Variants in CROCC2 observed in about 807,000 individuals in gnomAD.
The protein encoded by CROCC2 is ciliary rootlet coiled-coil protein 2.
In CROCC2, 163 loss-of-function variants were observed where a neutral mutation model predicts 177.6. That is an observed-to-expected ratio of 0.92 (90% CI 0.81 to 1.05). The LOEUF (loss-of-function observed/expected upper bound fraction) is 1.05. Among genes scored for constraint, CROCC2 ranks in the 50% least tolerant of loss-of-function variants. CROCC2 has a pLI of 0.00. For synonymous variants in CROCC2, 904 were observed against 787.3 expected (o/e 1.15, Z -2.48); for missense variants, 1,929 against 1,797.8 (o/e 1.07, Z -1.32).
At position 240,958,502 on chromosome 2, in the gene CROCC2, C is replaced by T. The variant is rs2106474962; in HGVS notation, c.2944-799C>T. Reference sequence around the variant, plus strand: ...CAGGAGGGGCTCCAGAGATCTGGCACAGGGGCAGCCATGTGGGCACCTGTG... The same window carrying T: ...CAGGAGGGGCTCCAGAGATCTGGCATAGGGGCAGCCATGTGGGCACCTGTG... On this transcript the variant is annotated intron_variant, in intron 19 of 31. Transcript: ENST00000690015. The surrounding 1 kb of genome is among the most constrained non-coding windows in gnomAD (Gnocchi z 6.7). 1 of 936,908 alleles carries T rather than the reference C, an allele frequency of 1.1e-6. No individual in the cohort carries two copies. The highest frequency in any genetic ancestry group is 1.2e-4 in the East Asian group (1 of 8,586). The allele number at this position is 936,908 out of a possible 1,614,324, so 58.0% of individuals were successfully genotyped here.
intron 14 of CROCC2, among the ~76,000 whole-genome samples, chr2:240,936,934 G>A (rs1305441267): frequency 6.6e-6 from 1 of 152,196 alleles, no homozygotes; most frequent in African/African-American, 2.4e-5. Context: ...GGACTGTGAT[G>A]CACAAGGCTG....
At chr2:240,959,045 G>T in intron 19 of CROCC2, 2 of 440,900 alleles carry the variant, frequency 4.5e-6, no homozygotes, top group East Asian at 4.1e-5. Flanking sequence ...TGAGCTGAGG[G>T]GCTGCCTCCT....
At chr2:240,943,369 G>A (rs1445760640) in intron 14 of CROCC2, among the ~76,000 whole-genome samples, 1 of 151,678 alleles carries the variant, frequency 6.6e-6, no homozygotes, top group Non-Finnish European at 1.5e-5. Context: ...TCTGATATCC[G>A]CTCTTCTTTT....
intron 21 of CROCC2, chr2:240,964,155 G>A: frequency 1.9e-6 from 1 of 540,160 alleles, no homozygotes; most frequent in Non-Finnish European, 3.3e-6. Context: ...CTCACAGCAG[G>A]TGGCAGAGGT....
chr2:240,913,885 A>G (rs2059302434), intron 1 of CROCC2, among the ~76,000 whole-genome samples: 1 of 152,250 alleles, frequency 6.6e-6, no homozygotes. Flanking sequence ...GAAGGACGGC[A>G]AGCAGACGTC....
Position 240,933,890 on chromosome 2 carries a change from C to G in CROCC2, c.1646+38C>G, listed in dbSNP as rs536325338. 5.9e-6 allele frequency: 9 copies of G among 1,522,430 alleles called. No homozygotes were observed. In the African/African-American group the frequency reaches 1.2e-4, roughly 21 times the overall value. The allele number at this position is 1,522,430 out of a possible 1,614,324, so 94.3% of individuals were successfully genotyped here. ...GGCTGGGTGGGCAGGGCCCCTCCCA[C>G]AGAAGAGACCCCACTCTGCCACCAT... is the stretch of plus-strand genomic sequence containing the variant. On this transcript the variant is annotated intron_variant, in intron 11 of 31. Coordinates refer to ENST00000690015, the MANE Select transcript of CROCC2 (RefSeq NM_001351305.2).
In CROCC2 at chr2:240,935,551, G is replaced by A. The variant is rs187987650; in HGVS notation, c.2132G>A (p.Gly711Glu). The change falls in exon 14 of 32, where the codon GGG (glycine) becomes GAG (glutamate). Residue 711 changes from glycine (G) to glutamate (E), a missense_variant. By Grantham distance (98) the Gly-to-Glu change is moderately conservative (BLOSUM62 -2). This residue lies in a region of CROCC2 where 1,397 missense variants were observed against 1,239.9 expected (regional missense o/e 1.13). Coordinates refer to ENST00000690015, the MANE Select transcript of CROCC2 (RefSeq NM_001351305.2). The stretch of plus-strand genomic sequence containing the variant: ...CTGGAGGGGCAGGCAGCCCTGCTGG[G>A]GCGAGAGAAGGCCCAGCTCCAGGAG... ...EQLEGQAALL[G>E]REKAQLQEQV... is the part of the protein sequence containing the mutation. 1.5e-3 allele frequency: 2,078 copies of A among 1,350,070 alleles called. 27 individuals are homozygous for A. In the African/African-American group the frequency reaches 0.028, roughly 18 times the overall value. 83.6% of individuals were successfully genotyped at this position (1,350,070 alleles called of 1,614,324 possible).
At chr2:240,942,489 C>T (rs926211856) in intron 14 of CROCC2, among the ~76,000 whole-genome samples, 8 of 152,058 alleles carry the variant, frequency 5.3e-5, no homozygotes, top group Non-Finnish European at 8.8e-5. Context: ...GGCCTTGTCT[C>T]CTAGTATGCT....
intron 20 of CROCC2, 88 bp from the exon 21 acceptor site, chr2:240,963,468 C>A: frequency 7.4e-7 from 1 of 1,351,646 alleles, no homozygotes; most frequent in Non-Finnish European, 9.9e-7. Flanking sequence ...CTGTGCCTGC[C>A]ACACCATGTC....
intron 1 of CROCC2, among the ~76,000 whole-genome samples, chr2:240,914,818 G>A (rs780980732): frequency 6.6e-6 from 1 of 152,208 alleles, no homozygotes; most frequent in Non-Finnish European, 1.5e-5. Context: ...GGTGGGGCCA[G>A]TGACCCTTGG....
chr2:240,957,003 G>A (rs1352257811), intron 19 of CROCC2, among the ~76,000 whole-genome samples: 1 of 152,162 alleles, frequency 6.6e-6, no homozygotes, highest in Non-Finnish European at 1.5e-5. Flanking sequence ...CTGAGGAGAG[G>A]CTGTTTGTGT....
At chr2:240,909,818 C>T (rs961692042) in intron 1 of CROCC2, among the ~76,000 whole-genome samples, 8 of 152,112 alleles carry the variant, frequency 5.3e-5, no homozygotes, top group African/African-American at 1.9e-4. Flanking sequence ...AGGGAGCAGG[C>T]GGGTGCCAGA....
Position 240,973,026 on chromosome 2 carries a change from A to G in CROCC2, c.4401+4764A>G, listed in dbSNP as rs2059732900. On this transcript the variant is annotated intron_variant, in intron 27 of 31. Transcript: ENST00000690015. This position sits in a 1 kb window ranked among gnomAD's most constrained non-coding sequence, Gnocchi z 4.7. Reference sequence around the variant, plus strand: ...GAGCAGGGGGGTGCTAGGGTCCAGTAGGGCAGGCCTGGTGCCTCTCCTGGC... The same window carrying G: ...GAGCAGGGGGGTGCTAGGGTCCAGTGGGGCAGGCCTGGTGCCTCTCCTGGC... 6.6e-6 allele frequency among the ~76,000 whole-genome samples: 1 copy of G among 152,106 alleles called. No homozygotes were observed. Among genetic ancestry groups the G allele is most frequent in the Admixed American group, 6.5e-5 (1 of 15,278 alleles).
At chr2:240,952,212 T>C (rs969736273) in intron 18 of CROCC2, among the ~76,000 whole-genome samples, 1 of 149,444 alleles carries the variant, frequency 6.7e-6, no homozygotes, top group African/African-American at 2.5e-5. Context: ...CCGGGCATGG[T>C]GGTGGGGACC....
Position 240,993,098 on chromosome 2 carries a change from G to A in CROCC2, c.*17G>A, listed in dbSNP as rs983585828. ...AGGGACTGAAGCTCCCAGCACAGGG[G>A]AGGCGCCCAGCGTGGCTGCAGAGGA... On this transcript the variant is annotated 3_prime_UTR_variant, in exon 32 of 32. Coordinates refer to ENST00000690015, the MANE Select transcript of CROCC2 (RefSeq NM_001351305.2). The A allele has an allele frequency of 4.2e-6, 3 of 716,746 alleles. No homozygotes were observed. The highest frequency in any genetic ancestry group is 7.8e-6 in the Non-Finnish European group (3 of 384,648). 44.4% of individuals were successfully genotyped at this position (716,746 alleles called of 1,614,324 possible).
At position 240,934,317 on chromosome 2, in the gene CROCC2, G is replaced by A; in HGVS notation, c.1647-14G>A. On this transcript the variant is annotated splice_polypyrimidine_tract_variant and intron_variant, in intron 11 of 31. Transcript: ENST00000690015. Reference sequence around the variant, plus strand: ...ACCCTGAGCGACCTCCCGCCCTCTGGTCTGGGGCCTCAGTCAAGGCCGCCT... The same window carrying A: ...ACCCTGAGCGACCTCCCGCCCTCTGATCTGGGGCCTCAGTCAAGGCCGCCT... 1 of 1,548,114 alleles carries A rather than the reference G, an allele frequency of 6.5e-7. No homozygotes were observed. Among genetic ancestry groups the A allele is most frequent in the South Asian group, 1.2e-5 (1 of 83,912 alleles).
chr2:240,907,793 G>A (rs1019897171), intron 1 of CROCC2, among the ~76,000 whole-genome samples: 1 of 99,284 alleles, frequency 1.0e-5, no homozygotes, highest in Non-Finnish European at 2.2e-5. Context: ...TCCTCCACCT[G>A]GGGTGAGCTC....
chr2:240,941,694 C>T (rs2059495462), intron 14 of CROCC2, among the ~76,000 whole-genome samples: 1 of 152,174 alleles, frequency 6.6e-6, no homozygotes, highest in Non-Finnish European at 1.5e-5. Context: ...ATGATATGCA[C>T]AGTCTATATC....
chr2:240,955,804 C>G (rs2059586672), intron 18 of CROCC2, 55 bp from the exon 19 acceptor site: 2 of 1,308,296 alleles, frequency 1.5e-6, no homozygotes, highest in African/African-American at 2.9e-5. Flanking sequence ...AGGGGGGCCT[C>G]TTCCCTCCCC....
Sources: gnomAD v4.1 joint callset for allele counts (sites outside exome capture counted in the v4.1 genomes callset) on GRCh38, gnomAD v4.1.1 for gene constraint, gnomAD v4.1.1 regional missense constraint, Gnocchi (gnomAD v3.1) non-coding constraint, MANE v1.5 for transcripts, NCBI Gene and HGNC (gene_info 2026-07-23, HGNC 2026-07-21) for gene names.